JAKMIP2: variants seen among roughly 807,000 people sequenced by gnomAD.
JAKMIP2 encodes the protein janus kinase and microtubule-interacting protein 2.
Under a neutral mutation model 115.0 loss-of-function variants are expected in JAKMIP2, and 25 were observed. That is an observed-to-expected ratio of 0.22 (90% CI 0.16 to 0.30). The LOEUF is 0.30. JAKMIP2 is among the 10% of genes least tolerant of loss of function. JAKMIP2 has a pLI of 1.00. For missense variants in JAKMIP2, 642 were observed against 957.6 expected, an observed-to-expected ratio of 0.67 and a Z score of 4.35; for synonymous variants, 334 against 343.6, an observed-to-expected ratio of 0.97 and a Z score of 0.31.
At chr5:147,756,170 G>T (rs1754735180) in intron 1 of JAKMIP2, among the ~76,000 whole-genome samples, 1 of 152,274 alleles carries the variant, frequency 6.6e-6, no homozygotes, top group African/African-American at 2.4e-5. Context: ...TTATTTGAAA[G>T]AATTATTATT....
At chr5:147,650,045 T>C (rs1205201952) in intron 4 of JAKMIP2, among the ~76,000 whole-genome samples, 1 of 152,158 alleles carries the variant, frequency 6.6e-6, no homozygotes, top group Non-Finnish European at 1.5e-5. Flanking sequence ...AATATTTTCA[T>C]CTAATTTATG....
intron 12 of JAKMIP2, among the ~76,000 whole-genome samples, chr5:147,635,090 T>G (rs895666570): frequency 1.3e-5 from 2 of 152,096 alleles, no homozygotes; most frequent in Admixed American, 6.6e-5. Context: ...GGCAGGAGAA[T>G]CGCTTCAACC....
intron 1 of JAKMIP2, among the ~76,000 whole-genome samples, chr5:147,770,883 C>T (rs1033775389): frequency 2.0e-5 from 3 of 152,032 alleles, no homozygotes; most frequent in African/African-American, 7.2e-5. Context: ...TGTAGAAATA[C>T]ACAGAACTCA....
At chr5:147,681,451 TCATACCTCTTCAC>T (rs1760271864) in intron 1 of JAKMIP2, among the ~76,000 whole-genome samples, 1 of 152,240 alleles carries the variant, frequency 6.6e-6, no homozygotes, top group Admixed American at 6.5e-5. Flanking sequence ...CCACTTTTCT[TCATACCTCTTCAC>T]CATACCCCGG....
intron 1 of JAKMIP2, among the ~76,000 whole-genome samples, chr5:147,691,296 T>A (rs927239532): frequency 6.6e-6 from 1 of 152,146 alleles, no homozygotes; most frequent in Non-Finnish European, 1.5e-5. Flanking sequence ...ACTATTAACC[T>A]TCTCACCTCC....
At chr5:147,704,538 G>T (rs1314902192) in intron 1 of JAKMIP2, among the ~76,000 whole-genome samples, 1 of 152,104 alleles carries the variant, frequency 6.6e-6, no homozygotes, top group African/African-American at 2.4e-5. Context: ...GGGAAGAGAG[G>T]AGGAGGCTCC....
In JAKMIP2 at chr5:147,650,378, G is replaced by A. The variant is rs1240700985; in HGVS notation, c.797C>T (p.Pro266Leu). Residue 266 changes from proline to leucine, a missense_variant, in exon 4 of 22, where the codon CCA becomes CTA. Physicochemically the swap from Pro to Leu is moderately conservative, Grantham distance 98. Around this residue, in one of 6 missense-constraint regions of JAKMIP2, gnomAD observed 439 missense variants for 570.9 expected, o/e 0.77. Coordinates refer to ENST00000616793, the MANE Select transcript of JAKMIP2 (RefSeq NM_001270941.2). ...CNMSSPKREIPGRAGDGSEHC... is the reference protein window; with the variant it reads ...CNMSSPKREILGRAGDGSEHC... ...TTCGGAACCATCACCTGCCCTTCCT[G>A]GAATTTCTCGTTTTGGGCTGCTCAT... The A allele has an allele frequency of 6.2e-7, 1 of 1,613,598 alleles. No individual in the cohort carries two copies. The highest frequency in any genetic ancestry group is 1.7e-5 in the Admixed American group (1 of 59,964).
chr5:147,602,963 C>T (rs1755786733), intron 20 of JAKMIP2, among the ~76,000 whole-genome samples: 1 of 152,154 alleles, frequency 6.6e-6, no homozygotes, highest in Non-Finnish European at 1.5e-5. Flanking sequence ...AAAGCAAAAA[C>T]TGTTGCTTTT....
At chr5:147,720,298 A>G (rs1753213564) in intron 1 of JAKMIP2, among the ~76,000 whole-genome samples, 1 of 151,074 alleles carries the variant, frequency 6.6e-6, no homozygotes, top group Non-Finnish European at 1.5e-5. Context: ...CCTTCATTTC[A>G]ACTTTGGTGA....
chr5:147,684,012 A>G (rs766337251), intron 1 of JAKMIP2, among the ~76,000 whole-genome samples: 6 of 152,126 alleles, frequency 3.9e-5, no homozygotes, highest in Non-Finnish European at 7.4e-5. Context: ...AGCAATACAG[A>G]TCTGTTTTTA....
chr5:147,705,663 T>C (rs369046609), intron 1 of JAKMIP2, among the ~76,000 whole-genome samples: 20 of 152,064 alleles, frequency 1.3e-4, no homozygotes, highest in African/African-American at 3.1e-4. Context: ...GCAAGTGAAA[T>C]ATAAGGTTAC....
At chr5:147,664,498 G>A (rs1469811794) in intron 2 of JAKMIP2, among the ~76,000 whole-genome samples, 1 of 152,048 alleles carries the variant, frequency 6.6e-6, no homozygotes, top group Non-Finnish European at 1.5e-5. Flanking sequence ...AGATGCCACA[G>A]TTTCTTCTTC....
At chr5:147,592,970 A>T (rs920030043) in intron 21 of JAKMIP2, among the ~76,000 whole-genome samples, 2 of 152,194 alleles carry the variant, frequency 1.3e-5, no homozygotes, top group African/African-American at 4.8e-5. Flanking sequence ...AAGGAAGTAC[A>T]GTGGTCGGGG....
intron 20 of JAKMIP2, among the ~76,000 whole-genome samples, chr5:147,603,507 A>C (rs1260260743): frequency 6.6e-6 from 1 of 152,218 alleles, no homozygotes; most frequent in Admixed American, 6.5e-5. Context: ...CCACAAGGGA[A>C]GAATGAAGAG....
intron 1 of JAKMIP2, among the ~76,000 whole-genome samples, chr5:147,723,224 T>C (rs1027210758): frequency 6.6e-6 from 1 of 152,132 alleles, no homozygotes; most frequent in Non-Finnish European, 1.5e-5. Flanking sequence ...AAAATCTAGA[T>C]ATACGTATAT....
At chr5:147,655,098 G>T (rs1397574157) in intron 3 of JAKMIP2, among the ~76,000 whole-genome samples, 2 of 152,062 alleles carry the variant, frequency 1.3e-5, no homozygotes, top group Non-Finnish European at 2.9e-5. Context: ...TGCTGGATTT[G>T]GTTTGTCAGT....
At chr5:147,708,561 G>A (rs1229251587) in intron 1 of JAKMIP2, among the ~76,000 whole-genome samples, 1 of 152,124 alleles carries the variant, frequency 6.6e-6, no homozygotes, top group Non-Finnish European at 1.5e-5. Context: ...AAATAGTTCT[G>A]TAACCTTGTT....
intron 1 of JAKMIP2, among the ~76,000 whole-genome samples, chr5:147,699,802 G>T (rs1561545706): frequency 2.6e-5 from 4 of 152,270 alleles, no homozygotes; most frequent in South Asian, 4.2e-4. Context: ...GACTTTCTTT[G>T]TATGAAGGAG....
chr5:147,635,000 A>G lies in JAKMIP2; in HGVS notation c.1677+1222T>C, dbSNP rs985289783. Among the ~76,000 whole-genome samples the G allele has an allele frequency of 2.0e-5, 3 of 152,224 alleles. No individual in the cohort carries two copies. In the East Asian group the frequency reaches 5.8e-4, roughly 29 times the overall value. ...CTTTCAAATTCTGTTTTTGTCAAAC[A>G]TAATATGAGATTATTTTGTAATTTA... On this transcript the variant is annotated intron_variant, in intron 12 of 21. Transcript: ENST00000616793.
Sources: allele counts gnomAD v4.1 joint callset (sites outside exome capture counted in the v4.1 genomes callset), GRCh38; gene constraint gnomAD v4.1.1; regional missense constraint gnomAD v4.1.1; transcripts MANE v1.5; gene names NCBI Gene and HGNC (gene_info 2026-07-23, HGNC 2026-07-21).